The following MYT1L variants were observed in gnomAD, a reference collection of about 807,000 sequenced individuals.
The protein encoded by MYT1L is myelin transcription factor 1-like protein.
In MYT1L, 12 loss-of-function variants were observed where a neutral mutation model predicts 126.7. The ratio of observed to expected loss-of-function variants is 0.09; its 90% CI spans 0.06 to 0.15. The LOEUF (loss-of-function observed/expected upper bound fraction) is 0.15. Ranked by LOEUF, MYT1L falls within the 10% of genes least tolerant of loss-of-function variation. MYT1L has a pLI of 1.00. For synonymous variants in MYT1L, 541 were observed against 604.2 expected (o/e 0.90, Z 1.53); for missense variants, 979 against 1,585.2 (o/e 0.62, Z 6.49).
In MYT1L at chr2:2,145,343, C is replaced by T. The variant is rs909682021; in HGVS notation, c.-304+27529G>A. 6.6e-5 allele frequency among the ~76,000 whole-genome samples: 10 copies of T among 152,182 alleles called. No homozygotes were observed. The East Asian group carries it at 7.7e-4, about 12-fold the overall frequency. On this transcript the variant is annotated intron_variant, in intron 3 of 24. Transcript: ENST00000647738. ...GGAATCAGCAATGCATCTTCTCCAG[C>T]GCTTCCTGAACACGCCGTCCAGCGC...
intron 18 of MYT1L, among the ~76,000 whole-genome samples, chr2:1,883,701 G>C (rs1558267727): frequency 6.6e-6 from 1 of 152,116 alleles, no homozygotes; most frequent in Admixed American, 6.6e-5. Flanking sequence ...GCATCGACGC[G>C]CAAAAGTCTG....
chr2:2,092,531 T>C (rs943908957), intron 3 of MYT1L, among the ~76,000 whole-genome samples: 2 of 152,214 alleles, frequency 1.3e-5, no homozygotes, highest in African/African-American at 4.8e-5. Flanking sequence ...GAGCAAGTGC[T>C]GTTGGAAAAA....
In MYT1L at chr2:1,943,070, A is replaced by ATCCTCCTCCTCGATC; in HGVS notation, c.402_416dup (p.Glu134_Glu138dup). 2.8e-6 allele frequency: 4 copies of ATCCTCCTCCTCGATC among 1,450,998 alleles called. No homozygotes were observed. The highest frequency in any genetic ancestry group is 3.8e-6 in the Non-Finnish European group (4 of 1,059,028). 89.9% of individuals were successfully genotyped at this position (1,450,998 alleles called of 1,614,324 possible). The stretch of plus-strand genomic sequence containing the variant: ...CTTCTCCATCCTCGTCATCGTCCTC[A>ATCCTCCTCCTCGATC]TCCTCCTCCTCGATCTCCTCCTCCT... On this transcript the variant is annotated inframe_insertion, in exon 9 of 25. Coordinates refer to ENST00000647738, the MANE Select transcript of MYT1L (RefSeq NM_001303052.2). The surrounding 1 kb of genome is among the most constrained non-coding windows in gnomAD (Gnocchi z 4.4).
chr2:2,155,614 C>G (rs1282402321), intron 3 of MYT1L, among the ~76,000 whole-genome samples: 1 of 152,108 alleles, frequency 6.6e-6, no homozygotes, highest in Non-Finnish European at 1.5e-5. Flanking sequence ...TCAATCTCCC[C>G]ATTGCAATAT....
At position 2,314,666 on chromosome 2, in the gene MYT1L, G is replaced by A. The variant is rs532175204; in HGVS notation, c.-521+16301C>T. On this transcript the variant is annotated intron_variant, in intron 1 of 24. Coordinates refer to ENST00000647738, the MANE Select transcript of MYT1L (RefSeq NM_001303052.2). Reference sequence around the variant, plus strand: ...TTGAACCTATCAACCCATCACCTAAGTATTAAGCTCCACATGTATTAGCTA... The same window carrying A: ...TTGAACCTATCAACCCATCACCTAAATATTAAGCTCCACATGTATTAGCTA... Among the ~76,000 whole-genome samples the A allele has an allele frequency of 9.2e-5, 14 of 152,248 alleles. No homozygotes were observed. In the East Asian group the frequency reaches 1.9e-3, roughly 21 times the overall value.
chr2:1,963,779 A>T (rs1195970186), intron 8 of MYT1L, among the ~76,000 whole-genome samples: 1 of 152,210 alleles, frequency 6.6e-6, no homozygotes, highest in Non-Finnish European at 1.5e-5. Context: ...AACTGAAGAG[A>T]GTTACAGCCT....
chr2:1,890,395 A>C (rs1416364080), intron 15 of MYT1L, among the ~76,000 whole-genome samples: 1 of 152,104 alleles, frequency 6.6e-6, no homozygotes, highest in African/African-American at 2.4e-5. Flanking sequence ...TTTATAATGA[A>C]GATAATTTTC....
intron 1 of MYT1L, among the ~76,000 whole-genome samples, chr2:2,300,636 T>C (rs1480524902): frequency 6.6e-6 from 1 of 152,226 alleles, no homozygotes; most frequent in Non-Finnish European, 1.5e-5. Context: ...AGCAAGGTGA[T>C]GCTTTAAAAG....
At chr2:1,934,769 C>T (rs989093889) in intron 9 of MYT1L, among the ~76,000 whole-genome samples, 17 of 147,364 alleles carry the variant, frequency 1.2e-4, no homozygotes, top group Non-Finnish European at 2.1e-4. Context: ...CACACACACA[C>T]AGGCACAGGT....
chr2:2,324,815 C>A (rs1173243914), intron 1 of MYT1L: 1 of 152,668 alleles, frequency 6.6e-6, no homozygotes, highest in Non-Finnish European at 1.5e-5. Context: ...ATATCCACTT[C>A]CCCAAATCCT....
chr2:2,263,422 T>C, intron 2 of MYT1L, among the ~76,000 whole-genome samples: 1 of 152,126 alleles, frequency 6.6e-6, no homozygotes, highest in East Asian at 1.9e-4. Context: ...ACAATTCCAA[T>C]GCATAAATCA....
intron 1 of MYT1L, among the ~76,000 whole-genome samples, chr2:2,317,184 C>A (rs1432869161): frequency 6.6e-6 from 1 of 152,094 alleles, no homozygotes; most frequent in Non-Finnish European, 1.5e-5. Context: ...ACCTGCCTGA[C>A]CTTGGTAGTC....
At chr2:1,823,113 C>T (rs944354982) in intron 21 of MYT1L, among the ~76,000 whole-genome samples, 1 of 152,184 alleles carries the variant, frequency 6.6e-6, no homozygotes, top group South Asian at 2.1e-4. Flanking sequence ...TTGCCCTAAG[C>T]TCCTCAAATG....
At chr2:1,995,459 A>T (rs533477888) in intron 5 of MYT1L, among the ~76,000 whole-genome samples, 5 of 152,240 alleles carry the variant, frequency 3.3e-5, no homozygotes, top group Admixed American at 3.3e-4. Flanking sequence ...CAACAAGAGC[A>T]TTCTAAATAA....
chr2:2,320,508 A>G (rs2149687282), intron 1 of MYT1L, among the ~76,000 whole-genome samples: 1 of 152,212 alleles, frequency 6.6e-6, no homozygotes, highest in African/African-American at 2.4e-5. Flanking sequence ...AAAGCCAGCA[A>G]AGAAAGGAAT....
At chr2:1,817,316 G>C (rs866189409) in intron 21 of MYT1L, among the ~76,000 whole-genome samples, 3 of 152,116 alleles carry the variant, frequency 2.0e-5, no homozygotes, top group Non-Finnish European at 2.9e-5. Flanking sequence ...CCCCATGGGT[G>C]GGGGGATAGG....
chr2:1,846,100 C>T (rs2042456706), intron 19 of MYT1L, among the ~76,000 whole-genome samples: 1 of 152,256 alleles, frequency 6.6e-6, no homozygotes, highest in South Asian at 2.1e-4. Context: ...CTAGTGCCAT[C>T]CCGACCTGGA....
At chr2:2,323,811 G>C (rs569490912) in intron 1 of MYT1L, among the ~76,000 whole-genome samples, 55 of 152,148 alleles carry the variant, frequency 3.6e-4, no homozygotes, top group Non-Finnish European at 7.2e-4. Context: ...CCAGTAAGTT[G>C]CTGGTTAAAT....
chr2:2,047,847 A>T (rs1220150228), intron 4 of MYT1L, among the ~76,000 whole-genome samples: 2 of 151,876 alleles, frequency 1.3e-5, no homozygotes, highest in Non-Finnish European at 2.9e-5. Context: ...ACTACTACTA[A>T]GGAGAAAATA....
Sources: gnomAD v4.1 joint callset for allele counts (sites outside exome capture counted in the v4.1 genomes callset) on GRCh38, gnomAD v4.1.1 for gene constraint, Gnocchi (gnomAD v3.1) non-coding constraint, MANE v1.5 for transcripts, NCBI Gene and HGNC (gene_info 2026-07-23, HGNC 2026-07-21) for gene names.